The following RASGRF1 variants were observed in gnomAD, a reference collection of about 807,000 sequenced individuals.
RASGRF1 encodes the protein Ras protein specific guanine nucleotide releasing factor 1.
RASGRF1 carries 40 observed loss-of-function variants against 138.7 expected under a neutral mutation model. That is an observed-to-expected ratio of 0.29 (90% CI 0.22 to 0.38). The LOEUF (loss-of-function observed/expected upper bound fraction) is 0.38, where lower values mean the gene tolerates loss of function less well. RASGRF1 is among the 10% of genes least tolerant of loss of function. RASGRF1 has a pLI of 1.00. For synonymous variants in RASGRF1, 614 were observed against 663.2 expected, an observed-to-expected ratio of 0.93 and a Z score of 1.14; for missense variants, 1,108 against 1,650.4, an observed-to-expected ratio of 0.67 and a Z score of 5.69.
At position 78,973,775 on chromosome 15, in the gene RASGRF1, T is replaced by A. The variant is rs2055819127; in HGVS notation, c.3495-355A>T. On this transcript the variant is annotated intron_variant, in intron 24 of 26. Coordinates refer to ENST00000558480, the MANE Select transcript of RASGRF1 (RefSeq NM_001145648.3). The surrounding 1 kb of genome is among the most constrained non-coding windows in gnomAD (Gnocchi z 4.9). Reference sequence around the variant, plus strand: ...TGTCACCAGCCCCTCTGGACTCACCTTTCCTATCTCTCCCTGAGACTCTCC... The same window carrying A: ...TGTCACCAGCCCCTCTGGACTCACCATTCCTATCTCTCCCTGAGACTCTCC... Among the ~76,000 whole-genome samples, 1 of 152,140 alleles carries A rather than the reference T, an allele frequency of 6.6e-6. No individual in the cohort carries two copies. Among genetic ancestry groups the A allele is most frequent in the African/African-American group, 2.4e-5 (1 of 41,428 alleles).
At chr15:78,977,605 T>C (rs2055900005) in intron 24 of RASGRF1, among the ~76,000 whole-genome samples, 1 of 152,190 alleles carries the variant, frequency 6.6e-6, no homozygotes, top group Non-Finnish European at 1.5e-5. Flanking sequence ...AAATTGATTC[T>C]CACCCTGATT....
chr15:78,963,361 G>T (rs998516149), intron 26 of RASGRF1, among the ~76,000 whole-genome samples: 1 of 151,940 alleles, frequency 6.6e-6, no homozygotes, highest in Non-Finnish European at 1.5e-5. Context: ...GAGTGCAGTG[G>T]TGCAATCTGG....
At chr15:78,998,849 G>T in intron 17 of RASGRF1, 24 bp from the exon 18 acceptor site, 1 of 1,568,072 alleles carries the variant, frequency 6.4e-7, no homozygotes, top group South Asian at 1.1e-5. Context: ...TGGCAGAGGG[G>T]AGAGAGGACA....
chr15:79,044,947 T>C (rs2057338956), intron 5 of RASGRF1, among the ~76,000 whole-genome samples: 1 of 152,114 alleles, frequency 6.6e-6, no homozygotes, highest in African/African-American at 2.4e-5. Context: ...GATGAATCAA[T>C]GAAGTATAAT....
intron 8 of RASGRF1, 152 bp downstream of exon 8, chr15:79,031,248 G>C: frequency 1.6e-6 from 1 of 627,350 alleles, no homozygotes; most frequent in Non-Finnish European, 2.8e-6. Flanking sequence ...CCACTCCAGG[G>C]GCCTCTGCTT....
chr15:78,974,283 C>A (rs1458727543), intron 24 of RASGRF1, among the ~76,000 whole-genome samples: 1 of 152,224 alleles, frequency 6.6e-6, no homozygotes, highest in African/African-American at 2.4e-5. Context: ...TCTGCCGCCT[C>A]CTCTCAGCTC....
chr15:78,988,857 TC>T (rs370158074), intron 22 of RASGRF1, among the ~76,000 whole-genome samples: 1 of 149,852 alleles, frequency 6.7e-6, no homozygotes, highest in Non-Finnish European at 1.5e-5. Context: ...TTTTTTTTTT[TC>T]CTCACACAGC....
At position 79,090,536 on chromosome 15, in the gene RASGRF1, C is replaced by T; in HGVS notation, c.-38G>A. The T allele has an allele frequency of 6.3e-7, 1 of 1,594,366 alleles. No individual in the cohort carries two copies. Among genetic ancestry groups the T allele is most frequent in the South Asian group, 1.1e-5 (1 of 90,426 alleles). On this transcript the variant is annotated 5_prime_UTR_variant, in exon 1 of 27. Coordinates refer to ENST00000558480, the MANE Select transcript of RASGRF1 (RefSeq NM_001145648.3). ...CCAGCGAGACCCCACGCGCTTACATCTTCTCCGCGCAGCAGCCCCCCGTCC... is the reference window on the plus strand; with the variant it reads ...CCAGCGAGACCCCACGCGCTTACATTTTCTCCGCGCAGCAGCCCCCCGTCC...
chr15:79,067,007 C>A (rs146487087), intron 1 of RASGRF1, among the ~76,000 whole-genome samples: 1 of 152,272 alleles, frequency 6.6e-6, no homozygotes, highest in African/African-American at 2.4e-5. Context: ...TTAGGCCCCA[C>A]GACCTTTCTC....
At chr15:79,052,091 T>A (rs1186738409) in intron 3 of RASGRF1, among the ~76,000 whole-genome samples, 1 of 152,186 alleles carries the variant, frequency 6.6e-6, no homozygotes, top group Non-Finnish European at 1.5e-5. Context: ...TGACTCTGGC[T>A]GGCCGACTCC....
chr15:79,061,413 A>AATATATATATAT (rs57956576), intron 2 of RASGRF1, among the ~76,000 whole-genome samples: 1,720 of 117,034 alleles, frequency 0.015, 59 homozygotes, highest in African/African-American at 0.051. Context: ...CTATCTTTAA[A>AATATATATATAT]ATATATATAT....
At chr15:79,080,887 AG>A (rs2057905717) in intron 1 of RASGRF1, among the ~76,000 whole-genome samples, 1 of 152,220 alleles carries the variant, frequency 6.6e-6, no homozygotes, top group South Asian at 2.1e-4. Context: ...GCGAGAGCTC[AG>A]GGCCTGGCAC....
At chr15:79,004,818 G>C in intron 14 of RASGRF1, 1 of 985,482 alleles carries the variant, frequency 1.0e-6, no homozygotes, top group Middle Eastern at 5.2e-4. Flanking sequence ...TCTGCTCCAC[G>C]TTGCACACAG....
intron 4 of RASGRF1, among the ~76,000 whole-genome samples, chr15:79,048,269 A>G (rs2057381784): frequency 6.6e-6 from 1 of 151,832 alleles, no homozygotes; most frequent in African/African-American, 2.4e-5. Context: ...GGGGTGGGGG[A>G]TGTCATAAGG....
chr15:79,002,490 A>G (rs2056552425), intron 15 of RASGRF1, among the ~76,000 whole-genome samples: 1 of 152,184 alleles, frequency 6.6e-6, no homozygotes, highest in Admixed American at 6.5e-5. Flanking sequence ...TCTTCTCTTT[A>G]GACAAGAATG....
At chr15:78,998,050 T>C (rs755667312) in intron 19 of RASGRF1, 46 bp downstream of exon 19, 2 of 1,526,134 alleles carry the variant, frequency 1.3e-6, no homozygotes, top group African/African-American at 1.4e-5. Context: ...GCAGGGCTCC[T>C]GTCCCAGCAG....
At chr15:78,994,828 G>A (rs749112306) in intron 20 of RASGRF1, among the ~76,000 whole-genome samples, 4 of 152,078 alleles carry the variant, frequency 2.6e-5, no homozygotes, top group African/African-American at 4.8e-5. Context: ...GAGAGTTGTC[G>A]CTCTGGAGTC....
At chr15:79,014,202 G>A (rs1278713532) in intron 13 of RASGRF1, among the ~76,000 whole-genome samples, 1 of 152,188 alleles carries the variant, frequency 6.6e-6, no homozygotes, top group Non-Finnish European at 1.5e-5. Context: ...CCTTAAAGAA[G>A]GAAAAGTGGA....
At chr15:78,964,267 C>T (rs1257943040) in intron 26 of RASGRF1, among the ~76,000 whole-genome samples, 4 of 152,098 alleles carry the variant, frequency 2.6e-5, no homozygotes, top group African/African-American at 7.2e-5. Flanking sequence ...CTCCGCCTCC[C>T]GAGTTCAAGC....
Sources: allele counts gnomAD v4.1 joint callset (sites outside exome capture counted in the v4.1 genomes callset), GRCh38; gene constraint gnomAD v4.1.1; non-coding constraint Gnocchi (gnomAD v3.1); transcripts MANE v1.5; gene names NCBI Gene and HGNC (gene_info 2026-07-23, HGNC 2026-07-21).